Variants in MKRN1 observed in about 807,000 individuals in gnomAD.
MKRN1 encodes the protein makorin ring finger protein 1.
Under a neutral mutation model 55.5 loss-of-function variants are expected in MKRN1, and 9 were observed. The ratio of observed to expected loss-of-function variants is 0.16; its 90% CI spans 0.10 to 0.28. MKRN1 has a LOEUF of 0.28. Among genes scored for constraint, MKRN1 ranks in the 10% least tolerant of loss-of-function variants. The probability of loss-of-function intolerance (pLI) is 1.00; values close to 1 mark genes in which losing one functional copy is unlikely to be tolerated. For missense variants in MKRN1, 488 were observed against 626.7 expected, an observed-to-expected ratio of 0.78 and a Z score of 2.36; for synonymous variants, 253 against 235.9, an observed-to-expected ratio of 1.07 and a Z score of -0.66.
At chr7:140,471,460 A>G (rs770648015) in intron 2 of MKRN1, among the ~76,000 whole-genome samples, 3 of 152,088 alleles carry the variant, frequency 2.0e-5, no homozygotes, top group Non-Finnish European at 4.4e-5. Flanking sequence ...AACTAGGAGG[A>G]TAGAAAAGCC....
chr7:140,475,234 TCGGAAGGCTGA>T (rs759006970), intron 1 of MKRN1: 1 of 441,006 alleles, frequency 2.3e-6, no homozygotes, highest in Non-Finnish European at 4.5e-6. Context: ...TCCCAGCTTC[TCGGAAGGCTGA>T]GGCACCAGAA....
At chr7:140,458,936 C>T (rs1794540993) in intron 4 of MKRN1, 71 bp downstream of exon 4, 2 of 1,499,854 alleles carry the variant, frequency 1.3e-6, no homozygotes, top group Non-Finnish European at 1.8e-6. Context: ...CTGAAATAAA[C>T]CCACAATGCT....
In MKRN1 at chr7:140,454,333, G is replaced by C; in HGVS notation, c.*184C>G. The C allele has an allele frequency of 1.6e-6, 1 of 613,076 alleles. No homozygotes were observed. The highest frequency in any genetic ancestry group is 2.9e-6 in the Non-Finnish European group (1 of 347,064). 38.0% of individuals were successfully genotyped at this position (613,076 alleles called of 1,614,324 possible). A position where few individuals can be genotyped will look rare whatever the true frequency, so the allele number is the denominator to read the frequency against. ...TTATTTTTGTAACTTTTTTCAACAG[G>C]GAAAACAACACACTCCTCAGGGAAA... On this transcript the variant is annotated 3_prime_UTR_variant, in exon 8 of 8. Transcript: ENST00000255977.
chr7:140,479,037 C>T, intron 1 of MKRN1, 123 bp downstream of exon 1: 3 of 1,171,188 alleles, frequency 2.6e-6, no homozygotes, highest in Middle Eastern at 3.3e-4. Flanking sequence ...GAGATCGAGA[C>T]AACGCCGGTC....
intron 2 of MKRN1, among the ~76,000 whole-genome samples, chr7:140,470,358 G>A (rs1342091677): frequency 1.3e-5 from 2 of 152,080 alleles, no homozygotes; most frequent in South Asian, 2.1e-4. Flanking sequence ...GCCGAACCGC[G>A]TGGATCACCT....
rs537310796 is a variant in MKRN1 at position 140,470,463 on chromosome 7, T to TAATC, written c.314+1416_314+1419dup. Among the ~76,000 whole-genome samples the TAATC allele has an allele frequency of 1.3e-4, 19 of 151,400 alleles. 1 individual carries two copies. The East Asian group carries it at 3.7e-3, about 30-fold the overall frequency. Reference sequence around the variant, plus strand: ...AGCTAGGTGTGGTGGCGGGCGCCTGTAATCCCAGCTACTCCGGAAGATGAG... The same window carrying TAATC: ...AGCTAGGTGTGGTGGCGGGCGCCTGTAATCAATCCCAGCTACTCCGGAAGATGAG... On this transcript the variant is annotated intron_variant, in intron 2 of 7. Coordinates refer to ENST00000255977, the MANE Select transcript of MKRN1 (RefSeq NM_013446.4).
intron 2 of MKRN1, among the ~76,000 whole-genome samples, chr7:140,463,872 G>C (rs1420198853): frequency 6.6e-6 from 1 of 151,856 alleles, no homozygotes; most frequent in Non-Finnish European, 1.5e-5. Context: ...CTGGGCGACA[G>C]AGCAAGACTC....
chr7:140,459,395 C>G (rs572172465), intron 3 of MKRN1, among the ~76,000 whole-genome samples, 162 bp from the exon 4 acceptor site: 1 of 150,698 alleles, frequency 6.6e-6, no homozygotes, highest in Admixed American at 6.6e-5. Context: ...TTTTTTCTAC[C>G]GCTGTTATTT....
At chr7:140,456,162 AAG>A (rs1794461292) in intron 5 of MKRN1, 1 of 1,206,842 alleles carries the variant, frequency 8.3e-7, no homozygotes, top group Non-Finnish European at 1.0e-6. Flanking sequence ...ACAAAAACAA[AAG>A]AAGACATTTC....
chr7:140,455,653 G>A (rs1794447600), intron 6 of MKRN1, 137 bp downstream of exon 6: 2 of 670,214 alleles, frequency 3.0e-6, no homozygotes, highest in South Asian at 3.7e-5. Context: ...TGTTATCAGG[G>A]TGACAAAATA....
chr7:140,474,588 C>T (rs1005559998), intron 1 of MKRN1: 1 of 169,028 alleles, frequency 5.9e-6, no homozygotes, highest in African/African-American at 2.4e-5. Flanking sequence ...TTCCCAGTTG[C>T]ATAATCTTTT....
chr7:140,463,831 GA>G (rs1794694205), intron 2 of MKRN1, among the ~76,000 whole-genome samples: 2 of 152,022 alleles, frequency 1.3e-5, no homozygotes, highest in African/African-American at 4.8e-5. Context: ...CTTCCAGTGA[GA>G]GAGCTGAGAT....
Position 140,459,148 on chromosome 7 carries a change from C to G in MKRN1, c.630G>C (p.Lys210Asn). 6.2e-7 allele frequency: 1 copy of G among 1,613,954 alleles called. No individual in the cohort carries two copies. Among genetic ancestry groups the G allele is most frequent in the Non-Finnish European group, 8.5e-7 (1 of 1,179,864 alleles). Residue 210 changes from lysine (K) to asparagine (N), a missense_variant, in exon 4 of 8, where the codon AAG becomes AAC. Lys to Asn is a moderately conservative substitution (Grantham distance 94). Transcript: ENST00000255977. ...SEKEQTAVET[K>N]KQLCPYAAVG... ...CTGCAGCATAGGGGCACAGCTGCTT[C>G]TTTGTCTCCACGGCGGTTTGCTCTT... is the stretch of plus-strand genomic sequence containing the variant.
intron 2 of MKRN1, among the ~76,000 whole-genome samples, chr7:140,470,759 T>C (rs924521502): frequency 6.6e-6 from 1 of 151,692 alleles, no homozygotes; most frequent in African/African-American, 2.4e-5. Flanking sequence ...CTGCCAAAAA[T>C]ATAAAAAATT....
At position 140,455,991 on chromosome 7, in the gene MKRN1, A is replaced by C. The variant is rs117771053; in HGVS notation, c.987-91T>G. 2.0e-5 allele frequency: 24 copies of C among 1,212,026 alleles called. No individual in the cohort carries two copies. The East Asian group carries it at 5.6e-4, about 28-fold the overall frequency. 75.1% of individuals were successfully genotyped at this position (1,212,026 alleles called of 1,614,324 possible). ...CCCTGGTGTGTCGCCTCCAGACTTA[A>C]AGACTTAACTGAAAGGCACGTGGGC... On this transcript the variant is annotated intron_variant, in intron 5 of 7. Coordinates refer to ENST00000255977, the MANE Select transcript of MKRN1 (RefSeq NM_013446.4).
intron 1 of MKRN1, chr7:140,474,487 C>T (rs773115826): frequency 7.1e-5 from 20 of 280,050 alleles, no homozygotes; most frequent in African/African-American, 2.7e-4. Context: ...ACTGAGACTC[C>T]GTCTCAAAAA....
intron 7 of MKRN1, 82 bp from the exon 8 acceptor site, chr7:140,454,811 C>T: frequency 7.1e-7 from 1 of 1,412,152 alleles, no homozygotes; most frequent in African/African-American, 1.4e-5. Flanking sequence ...AAACGTCCAG[C>T]ACACCAGAGG....
chr7:140,458,192 G>A (rs1794519826), intron 4 of MKRN1, among the ~76,000 whole-genome samples: 1 of 152,090 alleles, frequency 6.6e-6, no homozygotes. Context: ...TATCTTCACA[G>A]AAAAACCTAT....
Position 140,468,701 on chromosome 7 carries a change from C to CAAAAAAAAAAA in MKRN1, c.314+3171_314+3181dup, listed in dbSNP as rs528725182. ...GGCGACAGACTGAGACTCTGTCTCA[C>CAAAAAAAAAAA]AAAAAAAAAAAAAAAAAAAAAAAAG... On this transcript the variant is annotated intron_variant, in intron 2 of 7. Coordinates refer to ENST00000255977, the MANE Select transcript of MKRN1 (RefSeq NM_013446.4). Among the ~76,000 whole-genome samples the CAAAAAAAAAAA allele has an allele frequency of 5.9e-4, 19 of 32,116 alleles. 1 individual carries two copies. Among genetic ancestry groups the CAAAAAAAAAAA allele is most frequent in the Non-Finnish European group, 7.7e-4 (12 of 15,630 alleles). The allele number at this position is 32,116 out of a possible 152,430, so 21.1% of individuals were successfully genotyped here. A position where few individuals can be genotyped will look rare whatever the true frequency, so the allele number is the denominator to read the frequency against.
Sources: gnomAD v4.1 joint callset for allele counts (sites outside exome capture counted in the v4.1 genomes callset) on GRCh38, gnomAD v4.1.1 for gene constraint, MANE v1.5 for transcripts, NCBI Gene and HGNC (gene_info 2026-07-23, HGNC 2026-07-21) for gene names.